Variants in DAB1 observed in about 807,000 individuals in gnomAD.
DAB1 encodes the protein DAB adaptor protein 1, also known as disabled homolog 1.
DAB1 carries 15 observed loss-of-function variants against 64.6 expected under a neutral mutation model. The observed-to-expected ratio is 0.23, with a 90% CI of 0.16 to 0.36. DAB1 has a LOEUF of 0.36. Ranked by LOEUF, DAB1 falls within the 10% of genes least tolerant of loss-of-function variation. The probability of loss-of-function intolerance (pLI) is 1.00; values close to 1 mark genes in which losing one functional copy is unlikely to be tolerated. For synonymous variants in DAB1, 235 were observed against 251.9 expected, an observed-to-expected ratio of 0.93 and a Z score of 0.64; for missense variants, 596 against 706.7, an observed-to-expected ratio of 0.84 and a Z score of 1.78.
At chr1:57,283,645 C>T (rs1348456876) in intron 2 of DAB1, among the ~76,000 whole-genome samples, 1 of 152,228 alleles carries the variant, frequency 6.6e-6, no homozygotes, top group Non-Finnish European at 1.5e-5. Context: ...TGAGCCTTGA[C>T]TCCAACTTCA....
At chr1:57,914,780 T>A (rs11207129) in intron 5 of DAB1, among the ~76,000 whole-genome samples, 67,241 of 151,968 alleles carry the variant, frequency 0.44, 16,073 homozygotes, top group African/African-American at 0.63. Flanking sequence ...ACTCAATGGA[T>A]CATATAAACA....
intron 5 of DAB1, among the ~76,000 whole-genome samples, chr1:57,932,074 T>A (rs1199347331): frequency 2.0e-5 from 3 of 152,222 alleles, no homozygotes; most frequent in African/African-American, 7.2e-5. Flanking sequence ...AAAATATTTT[T>A]AAATTTCTCT....
At chr1:57,227,115 C>A (rs975989919) in intron 2 of DAB1, among the ~76,000 whole-genome samples, 3 of 152,092 alleles carry the variant, frequency 2.0e-5, no homozygotes, top group Non-Finnish European at 2.9e-5. Flanking sequence ...GTCAAGTCTG[C>A]AGTGAGCTGT....
intron 6 of DAB1, among the ~76,000 whole-genome samples, chr1:57,667,808 T>C (rs1646466142): frequency 6.6e-6 from 1 of 152,034 alleles, no homozygotes; most frequent in South Asian, 2.1e-4. Context: ...TCCTCACTCA[T>C]AAGTGAGAAT....
At chr1:57,518,163 T>C (rs1644484349) in intron 7 of DAB1, among the ~76,000 whole-genome samples, 1 of 152,074 alleles carries the variant, frequency 6.6e-6, no homozygotes, top group Non-Finnish European at 1.5e-5. Flanking sequence ...TCTGAATCCT[T>C]GTGCTAAACT....
intron 7 of DAB1, among the ~76,000 whole-genome samples, chr1:57,615,811 T>A (rs899480064): frequency 6.6e-6 from 1 of 152,108 alleles, no homozygotes; most frequent in East Asian, 1.9e-4. Flanking sequence ...ATCTTAAGGG[T>A]TTACAGTGGA....
chr1:57,250,907 C>T (rs926868458), intron 2 of DAB1, among the ~76,000 whole-genome samples: 4 of 152,162 alleles, frequency 2.6e-5, no homozygotes, highest in Non-Finnish European at 5.9e-5. Context: ...GCATTTTTCG[C>T]AGCCAGGATT....
intron 5 of DAB1, among the ~76,000 whole-genome samples, chr1:58,107,562 A>G (rs1236244015): frequency 6.6e-6 from 1 of 151,746 alleles, no homozygotes; most frequent in Admixed American, 6.6e-5. Flanking sequence ...AAACCTGAAG[A>G]GCCTTTGGCC....
intron 1 of DAB1, among the ~76,000 whole-genome samples, chr1:57,861,754 T>C (rs1018700862): frequency 6.7e-5 from 10 of 148,936 alleles, no homozygotes; most frequent in African/African-American, 2.4e-4. Context: ...GTATTATATA[T>C]AACATAGTAT....
chr1:57,107,242 G>T (rs1315792083), intron 4 of DAB1, among the ~76,000 whole-genome samples: 1 of 152,020 alleles, frequency 6.6e-6, no homozygotes. Context: ...GGGCATGTTG[G>T]TGGATGCCTG....
chr1:57,579,273 C>G (rs1312361422), intron 7 of DAB1, among the ~76,000 whole-genome samples: 1 of 152,130 alleles, frequency 6.6e-6, no homozygotes, highest in Non-Finnish European at 1.5e-5. Context: ...AATGAAGGTT[C>G]CTTAAATGTT....
intron 4 of DAB1, among the ~76,000 whole-genome samples, chr1:58,249,387 T>A (rs1162596928): frequency 6.7e-6 from 1 of 149,110 alleles, no homozygotes; most frequent in African/African-American, 2.5e-5. Flanking sequence ...CCGGGCATAA[T>A]TATTTTCCTA....
intron 2 of DAB1, among the ~76,000 whole-genome samples, chr1:57,147,936 G>A (rs188766016): frequency 2.0e-5 from 3 of 152,302 alleles, no homozygotes; most frequent in Non-Finnish European, 2.9e-5. Context: ...CCACGTTTGT[G>A]GTTTGCTTGT....
At chr1:57,499,640 A>G (rs142371215) in intron 7 of DAB1, among the ~76,000 whole-genome samples, 66 of 152,312 alleles carry the variant, frequency 4.3e-4, no homozygotes, top group African/African-American at 1.2e-3. Context: ...CAAGGAAGTT[A>G]AAAGTTTTGG....
At chr1:57,176,970 TATAA>T (rs1313118097) in intron 2 of DAB1, among the ~76,000 whole-genome samples, 4 of 61,036 alleles carry the variant, frequency 6.6e-5, no homozygotes, top group East Asian at 5.0e-4. Flanking sequence ...CAGCAGCAGA[TATAA>T]AAAAAAAAAA....
intron 4 of DAB1, among the ~76,000 whole-genome samples, chr1:58,216,421 G>A (rs1033252686): frequency 2.0e-5 from 3 of 152,056 alleles, no homozygotes; most frequent in African/African-American, 7.3e-5. Context: ...TCCTTATCTA[G>A]TCTATCATTG....
intron 4 of DAB1, among the ~76,000 whole-genome samples, chr1:58,222,744 A>G (rs1659241844): frequency 6.6e-6 from 1 of 152,232 alleles, no homozygotes; most frequent in Non-Finnish European, 1.5e-5. Context: ...CATACAAGTA[A>G]AAATGACTAT....
intron 2 of DAB1, among the ~76,000 whole-genome samples, chr1:58,515,695 A>T (rs1646148027): frequency 6.6e-6 from 1 of 152,196 alleles, no homozygotes; most frequent in African/African-American, 2.4e-5. Flanking sequence ...ACAGTAACCC[A>T]AATAAAACGC....
At chr1:57,894,563 G>C (rs1307076729) in intron 5 of DAB1, among the ~76,000 whole-genome samples, 1 of 152,174 alleles carries the variant, frequency 6.6e-6, no homozygotes, top group Admixed American at 6.6e-5. Flanking sequence ...AAACCTAAAG[G>C]AAGCCGATGT....
Sources: allele counts gnomAD v4.1 joint callset (sites outside exome capture counted in the v4.1 genomes callset), GRCh38; gene constraint gnomAD v4.1.1; transcripts MANE v1.5; gene names NCBI Gene and HGNC (gene_info 2026-07-23, HGNC 2026-07-21).